PPP2R1A: variants seen among roughly 807,000 people sequenced by gnomAD.
The protein encoded by PPP2R1A is protein phosphatase 2 scaffold subunit Aalpha.
In PPP2R1A, 15 loss-of-function variants were observed where a neutral mutation model predicts 67.1. The observed-to-expected ratio is 0.22, with a 90% CI of 0.15 to 0.34. PPP2R1A has a LOEUF of 0.34. Among genes scored for constraint, PPP2R1A ranks in the 10% least tolerant of loss-of-function variants. The pLI, the probability that PPP2R1A is intolerant of heterozygous loss-of-function variation, is 1.00. For synonymous variants in PPP2R1A, 337 were observed against 325.0 expected, an observed-to-expected ratio of 1.04 and a Z score of -0.40; for missense variants, 369 against 775.0, an observed-to-expected ratio of 0.48 and a Z score of 6.22.
At chr19:52,194,516 T>C (rs911650066) in intron 1 of PPP2R1A, among the ~76,000 whole-genome samples, 5 of 151,956 alleles carry the variant, frequency 3.3e-5, no homozygotes, top group Middle Eastern at 6.3e-3. Flanking sequence ...CTGGCTGTCA[T>C]AGGGGTTGGG....
chr19:52,226,078 C>G lies in PPP2R1A; in HGVS notation c.*97C>G. The G allele has an allele frequency of 1.3e-6, 2 of 1,573,948 alleles. No individual in the cohort carries two copies. Among genetic ancestry groups the G allele is most frequent in the Non-Finnish European group, 1.7e-6 (2 of 1,144,642 alleles). ...CACTGGGGGGCCTTTGGCTGTCACT[C>G]CCTGTGCATGGTCTGACCCCAGGCC... On this transcript the variant is annotated 3_prime_UTR_variant, in exon 15 of 15. Transcript: ENST00000322088.
chr19:52,201,928 C>A lies in PPP2R1A; in HGVS notation c.79-16C>A, dbSNP rs757143630. 6.2e-7 allele frequency: 1 copy of A among 1,612,698 alleles called. No individual in the cohort carries two copies. The highest frequency in any genetic ancestry group is 1.7e-5 in the Admixed American group (1 of 59,996). ...ATTTCTAACATTCTCCCCTCCTCTT[C>A]TTGTTCTCTCATTAGCTTCGCCTCA... On this transcript the variant is annotated splice_polypyrimidine_tract_variant and intron_variant, in intron 1 of 14. Transcript: ENST00000322088.
At position 52,228,627 on chromosome 19, in the gene PPP2R1A, GAC is replaced by G. The variant is rs1315858366; in HGVS notation, c.*2647_*2648del. ...TGCTGGAGCTGGGTCAGGGTGGAGA[GAC>G]TGTGTGGAGCCAGGACTCATGACCC... On this transcript the variant is annotated 3_prime_UTR_variant, in exon 15 of 15. Coordinates refer to ENST00000322088, the MANE Select transcript of PPP2R1A (RefSeq NM_014225.6). The G allele has an allele frequency of 6.6e-6, 1 of 152,228 alleles. No individual in the cohort carries two copies. Among genetic ancestry groups the G allele is most frequent in the African/African-American group, 2.4e-5 (1 of 41,436 alleles). 9.4% of individuals were successfully genotyped at this position (152,228 alleles called of 1,614,324 possible).
intron 2 of PPP2R1A, among the ~76,000 whole-genome samples, chr19:52,204,079 T>C (rs889559762): frequency 6.6e-6 from 1 of 151,910 alleles, no homozygotes; most frequent in Non-Finnish European, 1.5e-5. Context: ...GGGTCCTGAG[T>C]GGAACGGAGG....
chr19:52,222,164 G>T lies in PPP2R1A; in HGVS notation c.1584G>T (p.Met528Ile), dbSNP rs1339738736. Residue 528 changes from methionine (M) to isoleucine (I), a missense_variant, in exon 13 of 15, where the codon ATG becomes ATT. Around this residue, in one of 2 missense-constraint regions of PPP2R1A, gnomAD observed 276 missense variants for 508.4 expected, o/e 0.54. Transcript: ENST00000322088. The stretch of plus-strand genomic sequence containing the variant: ...ACATGCTACCCACGGTTCTGCGCAT[G>T]GCTGGGGACCCGGTTGCCAATGTCC... ...TKHMLPTVLR[M>I]AGDPVANVRF... 1.9e-6 allele frequency: 3 copies of T among 1,614,196 alleles called. No homozygotes were observed. The highest frequency in any genetic ancestry group is 2.5e-6 in the Non-Finnish European group (3 of 1,180,042).
intron 6 of PPP2R1A, 109 bp from the exon 7 acceptor site, chr19:52,215,670 C>A: frequency 1.2e-6 from 1 of 863,062 alleles, no homozygotes; most frequent in South Asian, 1.5e-5. Flanking sequence ...GCTTCCAAGG[C>A]CCACGCTCTG....
Position 52,219,521 on chromosome 19 carries a change from G to T in PPP2R1A, c.1129-170G>T, listed in dbSNP as rs1257463060. Among the ~76,000 whole-genome samples the T allele has an allele frequency of 2.6e-5, 4 of 152,236 alleles. No individual in the cohort carries two copies. The highest frequency in any genetic ancestry group is 4.4e-5 in the Non-Finnish European group (3 of 68,040). Reference sequence around the variant, plus strand: ...TCTGCTTAAGTTAGTGATCCATGCTGCTTGCTTTTTGTGTGCCGTTAATGT... The same window carrying T: ...TCTGCTTAAGTTAGTGATCCATGCTTCTTGCTTTTTGTGTGCCGTTAATGT... On this transcript the variant is annotated intron_variant, in intron 9 of 14. Transcript: ENST00000322088. The surrounding 1 kb of genome is among the most constrained non-coding windows in gnomAD (Gnocchi z 4.0).
At chr19:52,191,279 A>C (rs1600154857) in intron 1 of PPP2R1A, 1 of 152,404 alleles carries the variant, frequency 6.6e-6, no homozygotes, top group East Asian at 1.9e-4. Flanking sequence ...ACCTTGTGCA[A>C]ATTACTTCAC....
At chr19:52,220,938 A>G in intron 11 of PPP2R1A, 41 bp from the exon 12 acceptor site, 3 of 1,608,724 alleles carry the variant, frequency 1.9e-6, no homozygotes, top group Non-Finnish European at 2.6e-6. Flanking sequence ...TCAGTTCTTC[A>G]CCTCCAAATC....
rs764595469 is a variant in PPP2R1A at position 52,212,936 on chromosome 19, G to T, written c.652-19G>T. 1.9e-6 allele frequency: 3 copies of T among 1,578,354 alleles called. No homozygotes were observed. The highest frequency in any genetic ancestry group is 2.6e-6 in the Non-Finnish European group (3 of 1,162,226). Reference sequence around the variant, plus strand: ...GCAAGGCCTCTGCTGCCCTCCCACTGTTCCTCTCCTCTCCCTAGGACTCGG... The same window carrying T: ...GCAAGGCCTCTGCTGCCCTCCCACTTTTCCTCTCCTCTCCCTAGGACTCGG... On this transcript the variant is annotated intron_variant, in intron 5 of 14. Coordinates refer to ENST00000322088, the MANE Select transcript of PPP2R1A (RefSeq NM_014225.6). The surrounding 1 kb of genome is among the most constrained non-coding windows in gnomAD (Gnocchi z 4.1).
At chr19:52,208,952 C>T (rs545940581) in intron 3 of PPP2R1A, among the ~76,000 whole-genome samples, 1 of 152,292 alleles carries the variant, frequency 6.6e-6, no homozygotes, top group South Asian at 2.1e-4. Context: ...CCCCAGACTT[C>T]ACAGAGAGGC....
In PPP2R1A at chr19:52,213,543, C is replaced by T. The variant is rs551880852; in HGVS notation, c.807+433C>T. 7.4e-6 allele frequency among the ~76,000 whole-genome samples: 1 copy of T among 135,370 alleles called. No homozygotes were observed. The highest frequency in any genetic ancestry group is 1.5e-5 in the Non-Finnish European group (1 of 65,532). The allele number at this position is 135,370 out of a possible 152,430, so 88.8% of individuals were successfully genotyped here. A position where few individuals can be genotyped will look rare whatever the true frequency, so the allele number is the denominator to read the frequency against. ...TTGTTACCCAGCTGGAGTGTGGTGG[C>T]GCAATCTTGGCTCACTGCAGCCTGT... On this transcript the variant is annotated intron_variant, in intron 6 of 14. Transcript: ENST00000322088. This position sits in a 1 kb window ranked among gnomAD's most constrained non-coding sequence, Gnocchi z 4.2.
chr19:52,212,618 C>A lies in PPP2R1A; in HGVS notation c.504-68C>A. ...GCTAAAACCTGGACCCACACAACTGCAGAGTCTGTGCTTGCTCCTCTCTGC... is the reference window on the plus strand; with the variant it reads ...GCTAAAACCTGGACCCACACAACTGAAGAGTCTGTGCTTGCTCCTCTCTGC... On this transcript the variant is annotated intron_variant, in intron 4 of 14. Transcript: ENST00000322088. The surrounding 1 kb of genome is among the most constrained non-coding windows in gnomAD (Gnocchi z 4.1). 1 of 1,570,034 alleles carries A rather than the reference C, an allele frequency of 6.4e-7. No homozygotes were observed. Among genetic ancestry groups the A allele is most frequent in the Non-Finnish European group, 8.6e-7 (1 of 1,159,366 alleles).
rs776066526 is a variant in PPP2R1A, at chr19:52,219,898, G to A, written c.1302+34G>A. 1.3e-5 allele frequency: 21 copies of A among 1,589,346 alleles called. No individual in the cohort carries two copies. Among genetic ancestry groups the A allele is most frequent in the Non-Finnish European group, 1.7e-5 (20 of 1,168,808 alleles). On this transcript the variant is annotated intron_variant, in intron 10 of 14. Transcript: ENST00000322088. The surrounding 1 kb of genome is among the most constrained non-coding windows in gnomAD (Gnocchi z 4.0). ...GGAGGCCTGGGGGCCAGGCAGTGCT[G>A]CCTCAGGGGAGGTGCAGTATGTCCA... is the stretch of plus-strand genomic sequence containing the variant.
chr19:52,217,557 C>T (rs1008756168), intron 9 of PPP2R1A, among the ~76,000 whole-genome samples: 2 of 152,144 alleles, frequency 1.3e-5, no homozygotes, highest in East Asian at 3.9e-4. Context: ...GAGAGACAGG[C>T]AGTCCCATGA....
intron 3 of PPP2R1A, among the ~76,000 whole-genome samples, chr19:52,210,316 A>G (rs1232132865): frequency 1.3e-5 from 2 of 152,002 alleles, no homozygotes; most frequent in Non-Finnish European, 2.9e-5. Context: ...GCCCACAGTA[A>G]CAACCAGCGA....
chr19:52,209,764 T>G (rs1385750709), intron 3 of PPP2R1A, among the ~76,000 whole-genome samples: 1 of 152,232 alleles, frequency 6.6e-6, no homozygotes, highest in Non-Finnish European at 1.5e-5. Flanking sequence ...TATTTGTCTT[T>G]ATGACTATTA....
chr19:52,194,782 C>T (rs1324575139), intron 1 of PPP2R1A, among the ~76,000 whole-genome samples: 1 of 152,130 alleles, frequency 6.6e-6, no homozygotes, highest in Non-Finnish European at 1.5e-5. Flanking sequence ...GAAGAATCAG[C>T]GTGTGCCTGG....
chr19:52,216,548 A>G lies in PPP2R1A; in HGVS notation c.1013A>G (p.Asn338Ser), dbSNP rs1000496502. 1.9e-6 allele frequency: 3 copies of G among 1,613,956 alleles called. No homozygotes were observed. Among genetic ancestry groups the G allele is most frequent in the East Asian group, 2.2e-5 (1 of 44,872 alleles). ...TCCCAGGAGCTGGTGTCCGATGCCA[A>G]CCAACATGTCAAGTCTGCCCTGGCC... ...PCIKELVSDANQHVKSALASV... is the reference protein window; with the variant it reads ...PCIKELVSDASQHVKSALASV... Residue 338 changes from asparagine (N) to serine (S), a missense_variant, in exon 9 of 15, where the codon AAC becomes AGC. Physicochemically the swap from Asn to Ser is conservative, Grantham distance 46. This residue lies in a region of PPP2R1A where 276 missense variants were observed against 508.4 expected (regional missense o/e 0.54). Coordinates refer to ENST00000322088, the MANE Select transcript of PPP2R1A (RefSeq NM_014225.6). The surrounding 1 kb of genome is among the most constrained non-coding windows in gnomAD (Gnocchi z 4.3).
Sources: gnomAD v4.1 joint callset for allele counts (sites outside exome capture counted in the v4.1 genomes callset) on GRCh38, gnomAD v4.1.1 for gene constraint, gnomAD v4.1.1 regional missense constraint, Gnocchi (gnomAD v3.1) non-coding constraint, MANE v1.5 for transcripts, NCBI Gene and HGNC (gene_info 2026-07-23, HGNC 2026-07-21) for gene names.